The following SEZ6 variants were observed in gnomAD, a reference collection of about 807,000 sequenced individuals.
The protein encoded by SEZ6 is seizure protein 6 homolog.
SEZ6 carries 53 observed loss-of-function variants against 101.0 expected under a neutral mutation model. That is an observed-to-expected ratio of 0.52 (90% CI 0.42 to 0.66). The LOEUF (loss-of-function observed/expected upper bound fraction) is 0.66. Among genes scored for constraint, SEZ6 ranks in the 30% least tolerant of loss-of-function variants. The probability of loss-of-function intolerance (pLI) is 0.00; values close to 1 mark genes in which losing one functional copy is unlikely to be tolerated. For missense variants in SEZ6, 1,102 were observed against 1,289.4 expected, an observed-to-expected ratio of 0.85 and a Z score of 2.23; for synonymous variants, 488 against 512.2, an observed-to-expected ratio of 0.95 and a Z score of 0.64.
chr17:28,980,229 C>T (rs1334954431), intron 2 of SEZ6, among the ~76,000 whole-genome samples: 3 of 139,536 alleles, frequency 2.1e-5, no homozygotes, highest in Non-Finnish European at 3.1e-5. Context: ...TTTTTTGAGA[C>T]GGAGTTTTAC....
At chr17:28,994,365 G>A (rs1236680607) in intron 1 of SEZ6, among the ~76,000 whole-genome samples, 4 of 151,732 alleles carry the variant, frequency 2.6e-5, no homozygotes, top group East Asian at 1.9e-4. Flanking sequence ...AACCTCTGCC[G>A]CCCAGGTTCA....
chr17:28,969,663 T>G, intron 4 of SEZ6, 94 bp downstream of exon 4: 3 of 1,199,256 alleles, frequency 2.5e-6, no homozygotes, highest in Non-Finnish European at 2.2e-6. Context: ...TCTCTGCTCC[T>G]TCCCTCTAGG....
chr17:28,996,674 G>GTGAACA (rs773060786), intron 1 of SEZ6, among the ~76,000 whole-genome samples: 4 of 152,092 alleles, frequency 2.6e-5, no homozygotes, highest in Non-Finnish European at 4.4e-5. Flanking sequence ...GCAGGGACAT[G>GTGAACA]TGAACACAGA....
In SEZ6 at chr17:28,984,685, A is replaced by T. The variant is rs115134440; in HGVS notation, c.56-2646T>A. On this transcript the variant is annotated intron_variant, in intron 1 of 16. Transcript: ENST00000317338. ...CACTTGGTCCCAGCGGGTGCCACCCACTGTCATAGAGGGTAAGATAACCTC... is the reference window on the plus strand; with the variant it reads ...CACTTGGTCCCAGCGGGTGCCACCCTCTGTCATAGAGGGTAAGATAACCTC... Among the ~76,000 whole-genome samples, 534 of 152,300 alleles carry T rather than the reference A, an allele frequency of 3.5e-3. 7 individuals carry two copies. The highest frequency in any genetic ancestry group is 0.012 in the African/African-American group (499 of 41,550).
intron 1 of SEZ6, among the ~76,000 whole-genome samples, chr17:28,997,355 G>C (rs2041556986): frequency 6.6e-6 from 1 of 152,178 alleles, no homozygotes; most frequent in Admixed American, 6.5e-5. Flanking sequence ...TTCATGACAA[G>C]AGGGGGCCTG....
At position 28,958,113 on chromosome 17, in the gene SEZ6, C is replaced by T. The variant is rs1212255795; in HGVS notation, c.2136G>A (p.Glu712=). 2.2e-5 allele frequency: 35 copies of T among 1,602,452 alleles called. No individual in the cohort carries two copies. The highest frequency in any genetic ancestry group is 2.9e-5 in the Non-Finnish European group (34 of 1,170,424). ...FEVPRNDTCP[E]LPEIPNGWKS... ...TCCAGCCATTGGGGATCTCAGGCAG[C>T]TCCGGACATGTGTCATTGCGGGGCA... The change falls in exon 11 of 17, where the codon GAG becomes GAA. Residue 712 remains glutamate (E), a synonymous_variant. Coordinates refer to ENST00000317338, the MANE Select transcript of SEZ6 (RefSeq NM_178860.5).
intron 1 of SEZ6, among the ~76,000 whole-genome samples, chr17:28,997,590 G>T (rs988100559): frequency 6.6e-6 from 1 of 152,146 alleles, no homozygotes; most frequent in Non-Finnish European, 1.5e-5. Context: ...CTCCTGGGTT[G>T]TATGATTCAG....
intron 3 of SEZ6, 131 bp downstream of exon 3, chr17:28,979,549 G>T: frequency 7.4e-7 from 1 of 1,350,626 alleles, no homozygotes; most frequent in Non-Finnish European, 1.0e-6. Flanking sequence ...CCATCTCCCA[G>T]CCCTGGCCTT....
intron 1 of SEZ6, among the ~76,000 whole-genome samples, chr17:28,987,493 T>C (rs2041400177): frequency 6.6e-6 from 1 of 152,224 alleles, no homozygotes; most frequent in African/African-American, 2.4e-5. Flanking sequence ...GTCCAGCACC[T>C]GAGGCAGGTT....
chr17:28,957,158 G>T lies in SEZ6; in HGVS notation c.2579C>A (p.Ala860Asp). 1 of 1,614,016 alleles carries T rather than the reference G, an allele frequency of 6.2e-7. No homozygotes were observed. The highest frequency in any genetic ancestry group is 8.5e-7 in the Non-Finnish European group (1 of 1,179,886). Residue 860 changes from alanine (A) to aspartate (D), a missense_variant, in exon 13 of 17, where the codon GCC becomes GAC. Physicochemically the swap from Ala to Asp is moderately radical, Grantham distance 126 (BLOSUM62 -2). Coordinates refer to ENST00000317338, the MANE Select transcript of SEZ6 (RefSeq NM_178860.5). Reference sequence around the variant, plus strand: ...AGGGGCACACGAGAAGTGGATGGTGGCCCCTGCTGGGTGTAGCTGCTTCTC... The same window carrying T: ...AGGGGCACACGAGAAGTGGATGGTGTCCCCTGCTGGGTGTAGCTGCTTCTC... The part of the protein sequence containing the change: ...SPEKQLHPAG[A>D]TIHFSCAPGY...
chr17:28,959,813 A>G lies in SEZ6; in HGVS notation c.1656T>C (p.Gly552=). 6.2e-7 allele frequency: 1 copy of G among 1,613,898 alleles called. No homozygotes were observed. Among genetic ancestry groups the G allele is most frequent in the South Asian group, 1.1e-5 (1 of 91,066 alleles). The change falls in exon 8 of 17, where the codon GGT becomes GGC. Residue 552 remains glycine (G), a synonymous_variant. Coordinates refer to ENST00000317338, the MANE Select transcript of SEZ6 (RefSeq NM_178860.5). The surrounding 1 kb of genome is among the most constrained non-coding windows in gnomAD (Gnocchi z 4.4). ...GGTCGCAGCTGAACTCCACAGTGGT[A>G]CCCACAGGGTAGGTGGGTGTGCTGC... ...FSSSTPTYPV[G]TTVEFSCDPG... is the part of the protein sequence containing the mutation.
At chr17:28,973,087 A>C (rs2041176217) in intron 3 of SEZ6, among the ~76,000 whole-genome samples, 1 of 152,214 alleles carries the variant, frequency 6.6e-6, no homozygotes, top group African/African-American at 2.4e-5. Flanking sequence ...GAGTAACAAC[A>C]GTTGCCATCA....
At chr17:28,977,899 A>G (rs1598196721) in intron 3 of SEZ6, among the ~76,000 whole-genome samples, 1 of 152,272 alleles carries the variant, frequency 6.6e-6, no homozygotes. Flanking sequence ...TAATGGCTTG[A>G]GGCGGGGTGG....
intron 4 of SEZ6, among the ~76,000 whole-genome samples, chr17:28,968,051 A>G (rs1209000988): frequency 4.6e-5 from 7 of 152,252 alleles, no homozygotes; most frequent in Non-Finnish European, 7.4e-5. Context: ...GTCTTGCGAT[A>G]AGGCCCTTGT....
intron 1 of SEZ6, among the ~76,000 whole-genome samples, chr17:28,995,159 C>G (rs2041519146): frequency 1.3e-5 from 2 of 152,318 alleles, no homozygotes; most frequent in South Asian, 4.1e-4. Flanking sequence ...AGGCGTGAGC[C>G]ACCGCGCCCG....
chr17:28,995,342 G>A (rs1369544737), intron 1 of SEZ6, among the ~76,000 whole-genome samples: 3 of 151,742 alleles, frequency 2.0e-5, no homozygotes, highest in African/African-American at 4.9e-5. Context: ...GTGTGTGCAT[G>A]TATGTGGGGG....
intron 5 of SEZ6, among the ~76,000 whole-genome samples, chr17:28,962,796 A>AG (rs1477737047): frequency 6.6e-6 from 1 of 150,786 alleles, no homozygotes; most frequent in Non-Finnish European, 1.5e-5. Flanking sequence ...AAAAAAAAAA[A>AG]AAAGATTCAA....
chr17:28,976,077 C>T (rs1320979579), intron 3 of SEZ6, among the ~76,000 whole-genome samples: 1 of 152,202 alleles, frequency 6.6e-6, no homozygotes, highest in South Asian at 2.1e-4. Flanking sequence ...AATGCCTGAT[C>T]CCCAGATGAA....
chr17:28,967,026 C>T (rs568736927), intron 4 of SEZ6, among the ~76,000 whole-genome samples: 1 of 152,272 alleles, frequency 6.6e-6, no homozygotes, highest in East Asian at 1.9e-4. Flanking sequence ...GCTGTGCCAC[C>T]GTGGGCAAGT....
Sources: gnomAD v4.1 joint callset for allele counts (sites outside exome capture counted in the v4.1 genomes callset) on GRCh38, gnomAD v4.1.1 for gene constraint, Gnocchi (gnomAD v3.1) non-coding constraint, MANE v1.5 for transcripts, NCBI Gene and HGNC (gene_info 2026-07-23, HGNC 2026-07-21) for gene names.